Variants in NKAIN2 observed in about 807,000 individuals in gnomAD.
NKAIN2 encodes sodium/potassium-transporting ATPase subunit beta-1-interacting protein 2.
Under a neutral mutation model 32.6 loss-of-function variants are expected in NKAIN2, and 14 were observed. That is an observed-to-expected ratio of 0.43 (90% CI 0.28 to 0.67). The LOEUF is 0.67. NKAIN2 is among the 30% of genes least tolerant of loss of function. The pLI is 0.17. For synonymous variants in NKAIN2, 80 were observed against 87.2 expected, an observed-to-expected ratio of 0.92 and a Z score of 0.46; for missense variants, 198 against 258.3, an observed-to-expected ratio of 0.77 and a Z score of 1.60.
intron 5 of NKAIN2, among the ~76,000 whole-genome samples, chr6:124,809,673 A>T (rs1219785058): frequency 2.0e-5 from 3 of 151,352 alleles, no homozygotes; most frequent in African/African-American, 7.3e-5. Flanking sequence ...CAGCAAAAGA[A>T]ACTACCATCA....
At chr6:124,073,567 ACT>A (rs1783554418) in intron 1 of NKAIN2, among the ~76,000 whole-genome samples, 1 of 151,888 alleles carries the variant, frequency 6.6e-6, no homozygotes, top group Non-Finnish European at 1.5e-5. Flanking sequence ...CATGATTGAG[ACT>A]CTGTTAGGCT....
chr6:123,844,387 T>A (rs1775007440), intron 1 of NKAIN2, among the ~76,000 whole-genome samples: 1 of 152,188 alleles, frequency 6.6e-6, no homozygotes, highest in African/African-American at 2.4e-5. Context: ...AGATATTCAA[T>A]CCCATTTTTG....
At chr6:124,634,111 T>A (rs1273687786) in intron 3 of NKAIN2, among the ~76,000 whole-genome samples, 1 of 151,652 alleles carries the variant, frequency 6.6e-6, no homozygotes, top group African/African-American at 2.4e-5. Context: ...AAAAAAAATT[T>A]CCTAGAAAAG....
In NKAIN2 at chr6:124,406,013, G is replaced by GGTGTGTGT. The variant is rs59361002; in HGVS notation, c.273+50681_273+50688dup. ...TACCCAATTCATTCATTACCACCAC[G>GGTGTGTGT]GTGTGTGTGTGTGTGTGTGTGTAAT... On this transcript the variant is annotated intron_variant, in intron 3 of 6. Coordinates refer to ENST00000368417, the MANE Select transcript of NKAIN2 (RefSeq NM_001040214.3). Among the ~76,000 whole-genome samples the GGTGTGTGT allele has an allele frequency of 1.3e-3, 195 of 148,548 alleles. 1 individual carries two copies. The highest frequency in any genetic ancestry group is 3.4e-3 in the Admixed American group (51 of 14,854).
chr6:124,192,850 C>T (rs1396165932), intron 1 of NKAIN2, among the ~76,000 whole-genome samples: 3 of 149,126 alleles, frequency 2.0e-5, no homozygotes, highest in Admixed American at 6.7e-5. Flanking sequence ...CCCGGGTTCA[C>T]GCCATTCTCC....
At chr6:124,146,261 T>A (rs1787392255) in intron 1 of NKAIN2, among the ~76,000 whole-genome samples, 1 of 151,780 alleles carries the variant, frequency 6.6e-6, no homozygotes, top group Non-Finnish European at 1.5e-5. Context: ...AAAAATACAA[T>A]CGTGGGCAAA....
intron 1 of NKAIN2, among the ~76,000 whole-genome samples, chr6:123,846,541 A>C (rs1775097467): frequency 6.6e-6 from 1 of 152,214 alleles, no homozygotes; most frequent in Non-Finnish European, 1.5e-5. Context: ...TTTGCATTTT[A>C]GAGGTGATAT....
intron 1 of NKAIN2, among the ~76,000 whole-genome samples, chr6:124,256,417 T>C (rs111559623): frequency 7.6e-4 from 115 of 152,300 alleles, no homozygotes; most frequent in African/African-American, 2.6e-3. Flanking sequence ...ATTTGCCATT[T>C]CAGAGCCCAT....
intron 3 of NKAIN2, among the ~76,000 whole-genome samples, chr6:124,549,005 CAG>C (rs1438229685): frequency 6.6e-6 from 1 of 152,194 alleles, no homozygotes; most frequent in East Asian, 1.9e-4. Flanking sequence ...GAGCTGGAGT[CAG>C]AAACCACAGA....
chr6:124,507,583 T>C (rs1778536109), intron 3 of NKAIN2, among the ~76,000 whole-genome samples: 1 of 152,190 alleles, frequency 6.6e-6, no homozygotes, highest in African/African-American at 2.4e-5. Flanking sequence ...TGCAGCATTT[T>C]GTGTATGTTT....
chr6:124,782,548 C>T (rs981248090), intron 4 of NKAIN2, among the ~76,000 whole-genome samples: 10 of 152,138 alleles, frequency 6.6e-5, no homozygotes, highest in African/African-American at 2.4e-4. Flanking sequence ...CAGCATACTC[C>T]TTCCAGTGAA....
chr6:124,719,950 C>T (rs987461445), intron 4 of NKAIN2, among the ~76,000 whole-genome samples: 1 of 152,130 alleles, frequency 6.6e-6, no homozygotes, highest in Non-Finnish European at 1.5e-5. Flanking sequence ...AAGTTTCTCA[C>T]ACATGCTCTC....
intron 4 of NKAIN2, among the ~76,000 whole-genome samples, chr6:124,732,362 T>C (rs1456511970): frequency 6.6e-6 from 1 of 151,982 alleles, no homozygotes; most frequent in Non-Finnish European, 1.5e-5. Flanking sequence ...TTTGGTGAAA[T>C]CCCAGGGAAG....
intron 1 of NKAIN2, among the ~76,000 whole-genome samples, chr6:124,103,083 A>G (rs1475393564): frequency 6.6e-6 from 1 of 152,192 alleles, no homozygotes; most frequent in Non-Finnish European, 1.5e-5. Context: ...ACCTGAACAA[A>G]TGATGATTTT....
chr6:124,086,299 T>A (rs1372759343), intron 1 of NKAIN2, among the ~76,000 whole-genome samples: 1 of 152,038 alleles, frequency 6.6e-6, no homozygotes, highest in Non-Finnish European at 1.5e-5. Flanking sequence ...TGACAAACTA[T>A]ATAAATTTCA....
rs1776189486 is a variant in NKAIN2 at position 124,724,700 on chromosome 6, G to A, written c.474+66314G>A. Among the ~76,000 whole-genome samples the A allele has an allele frequency of 2.0e-5, 3 of 152,136 alleles. No homozygotes were observed. In the South Asian group the frequency reaches 6.2e-4, roughly 32 times the overall value. Reference sequence around the variant, plus strand: ...TAATAATATAAGAATTAAGGATGAGGATTATGTTTCATTAATATGTACAAC... The same window carrying A: ...TAATAATATAAGAATTAAGGATGAGAATTATGTTTCATTAATATGTACAAC... On this transcript the variant is annotated intron_variant, in intron 4 of 6. Transcript: ENST00000368417.
intron 4 of NKAIN2, among the ~76,000 whole-genome samples, chr6:124,705,579 T>C (rs900560634): frequency 6.6e-6 from 1 of 152,020 alleles, no homozygotes; most frequent in African/African-American, 2.4e-5. Context: ...GTGAATAAGA[T>C]GGTTGAGATG....
In NKAIN2 at chr6:124,563,112, G is replaced by A. The variant is rs1780765290; in HGVS notation, c.274-95074G>A. Among the ~76,000 whole-genome samples the A allele has an allele frequency of 3.3e-5, 5 of 151,734 alleles. No homozygotes were observed. The South Asian group carries it at 1.0e-3, about 32-fold the overall frequency. On this transcript the variant is annotated intron_variant, in intron 3 of 6. Coordinates refer to ENST00000368417, the MANE Select transcript of NKAIN2 (RefSeq NM_001040214.3). The stretch of plus-strand genomic sequence containing the variant: ...GTAGAGACGGGGTTTCACTGTGTTG[G>A]CCAGGCTGGTCTCAAACTCCTGACC...
intron 2 of NKAIN2, among the ~76,000 whole-genome samples, chr6:124,294,902 TA>T (rs1795983580): frequency 6.6e-6 from 1 of 150,722 alleles, no homozygotes; most frequent in South Asian, 2.1e-4. Context: ...TTTTTCTTCA[TA>T]TTTTTTTCTT....
Sources: allele counts gnomAD v4.1 joint callset (sites outside exome capture counted in the v4.1 genomes callset), GRCh38; gene constraint gnomAD v4.1.1; transcripts MANE v1.5; gene names NCBI Gene and HGNC (gene_info 2026-07-23, HGNC 2026-07-21).